PROCA1: variants seen among roughly 807,000 people sequenced by gnomAD.
PROCA1 encodes the protein protein interacting with cyclin A1.
PROCA1 carries 22 observed loss-of-function variants against 23.2 expected under a neutral mutation model. That is an observed-to-expected ratio of 0.95 (90% CI 0.68 to 1.35). The LOEUF (loss-of-function observed/expected upper bound fraction) is 1.35. Ranked by LOEUF, PROCA1 falls within the 40% of genes most tolerant of loss-of-function variation. The pLI is 0.00. For synonymous variants in PROCA1, 182 were observed against 179.2 expected (o/e 1.02, Z -0.12); for missense variants, 469 against 459.8 (o/e 1.02, Z -0.18).
intron 1 of PROCA1, among the ~76,000 whole-genome samples, chr17:28,710,054 A>G (rs918838004): frequency 6.6e-6 from 1 of 151,998 alleles, no homozygotes; most frequent in Non-Finnish European, 1.5e-5. Flanking sequence ...TTCAGCTCCA[A>G]CACTACCAAT....
At position 28,710,142 on chromosome 17, in the gene PROCA1, G is replaced by A. The variant is rs148883059; in HGVS notation, c.91+1428C>T. On this transcript the variant is annotated intron_variant, in intron 1 of 4. Transcript: ENST00000682792. ...CCTGGACCCTAAAGTCATGCCGCTG[G>A]GACCTCAGCCAGGGTGAGGAACCAA... Among the ~76,000 whole-genome samples the A allele has an allele frequency of 7.4e-3, 1,120 of 152,030 alleles. 16 individuals are homozygous for A. Among genetic ancestry groups the A allele is most frequent in the African/African-American group, 0.025 (1,024 of 41,460 alleles).
At chr17:28,704,875 C>A in intron 2 of PROCA1, 32 bp from the exon 3 acceptor site, 1 of 1,605,774 alleles carries the variant, frequency 6.2e-7, no homozygotes, top group Non-Finnish European at 8.5e-7. Context: ...TCATCAGTAG[C>A]AGCCGCAGAC....
chr17:28,709,795 G>A (rs1335879098), intron 1 of PROCA1, among the ~76,000 whole-genome samples: 2 of 151,404 alleles, frequency 1.3e-5, no homozygotes, highest in East Asian at 4.0e-4. Context: ...TCCGGAGTTT[G>A]AGACCAGCAT....
In PROCA1 at chr17:28,704,366, C is replaced by T; in HGVS notation, c.381G>A (p.Glu127=). The T allele has an allele frequency of 6.2e-7, 1 of 1,614,150 alleles. No homozygotes were observed. The highest frequency in any genetic ancestry group is 8.5e-7 in the Non-Finnish European group (1 of 1,180,024). ...GAGPTCSHVI[E]SPCFELTPEE... ...CCGGTGTGAGCTCAAAGCAAGGGGA[C>T]TCGATGACATGGGAGCAGGTTGGGC... is the stretch of plus-strand genomic sequence containing the variant. The change falls in exon 4 of 5, where the codon GAG becomes GAA. Residue 127 remains glutamate, a synonymous_variant. Transcript: ENST00000682792.
Position 28,711,730 on chromosome 17 carries a change from C to G in PROCA1, c.-70G>C, listed in dbSNP as rs2032797094. 1 of 1,415,784 alleles carries G rather than the reference C, an allele frequency of 7.1e-7. No homozygotes were observed. Among genetic ancestry groups the G allele is most frequent in the South Asian group, 1.3e-5 (1 of 77,816 alleles). 87.7% of individuals were successfully genotyped at this position (1,415,784 alleles called of 1,614,324 possible). A position where few individuals can be genotyped will look rare whatever the true frequency, so the allele number is the denominator to read the frequency against. Reference sequence around the variant, plus strand: ...GTCCAACCCTGAGCCTCAGCCCGGCCGAGCCCTCGGCCCAGCCGTGAACTC... The same window carrying G: ...GTCCAACCCTGAGCCTCAGCCCGGCGGAGCCCTCGGCCCAGCCGTGAACTC... On this transcript the variant is annotated 5_prime_UTR_variant, in exon 1 of 5. Transcript: ENST00000682792.
Position 28,703,713 on chromosome 17 carries a change from G to GCC in PROCA1, c.938_939dup (p.Gln314GlyfsTer38). The GCC allele has an allele frequency of 6.2e-7, 1 of 1,614,020 alleles. No individual in the cohort carries two copies. Among genetic ancestry groups the GCC allele is most frequent in the Non-Finnish European group, 8.5e-7 (1 of 1,180,022 alleles). ...ATATCCTCGCTGGACAGTTCTCCCT[G>GCC]CCCCCGGCCATTGTAACTGTCCTCG... On this transcript the variant is annotated frameshift_variant, in exon 5 of 5. Coordinates refer to ENST00000682792, the MANE Select transcript of PROCA1 (RefSeq NM_001366301.1). LOFTEE classifies it low-confidence loss of function (END_TRUNC).
At chr17:28,706,835 G>A (rs1380010868) in intron 1 of PROCA1, 72 bp from the exon 2 acceptor site, 15 of 1,288,552 alleles carry the variant, frequency 1.2e-5, no homozygotes, top group African/African-American at 6.2e-5. Flanking sequence ...AACATACCCC[G>A]AGAAACTCCA....
chr17:28,704,660 G>A, intron 3 of PROCA1, 48 bp downstream of exon 3: 1 of 1,608,120 alleles, frequency 6.2e-7, no homozygotes, highest in Non-Finnish European at 8.5e-7. Context: ...CACAATGAAA[G>A]TTCGGACCTG....
rs374751808 is a variant in PROCA1, at chr17:28,704,343, G to T, written c.404C>A (p.Pro135Gln). ...GAATCGCTCCACATGCTCCTCCTCCGGTGTGAGCTCAAAGCAAGGGGACTC... is the reference window on the plus strand; with the variant it reads ...GAATCGCTCCACATGCTCCTCCTCCTGTGTGAGCTCAAAGCAAGGGGACTC... ...VIESPCFELT[P>Q]EEEHVERFRY... The change falls in exon 4 of 5, where the codon CCG (proline) becomes CAG (glutamine). Residue 135 changes from proline (P) to glutamine (Q), a missense_variant. Transcript: ENST00000682792. The T allele has an allele frequency of 6.2e-7, 1 of 1,614,076 alleles. No individual in the cohort carries two copies. The highest frequency in any genetic ancestry group is 8.5e-7 in the Non-Finnish European group (1 of 1,180,006).
Position 28,711,650 on chromosome 17 carries a change from C to G in PROCA1, c.11G>C (p.Arg4Thr). MWV[R>T]TTLTIERWTK... ...CCATCTTTCAATTGTGAGCGTCGTC[C>G]TGACCCACATCGCTCTCCGCCCAGG... The change falls in exon 1 of 5, where the codon AGG becomes ACG. Residue 4 changes from arginine (R) to threonine (T), a missense_variant. Physicochemically the swap from Arg to Thr is moderately conservative, Grantham distance 71 (BLOSUM62 -1). Transcript: ENST00000682792. 6.2e-7 allele frequency: 1 copy of G among 1,612,704 alleles called. No homozygotes were observed. The highest frequency in any genetic ancestry group is 8.5e-7 in the Non-Finnish European group (1 of 1,179,546).
At chr17:28,708,319 T>C (rs2032619590) in intron 1 of PROCA1, among the ~76,000 whole-genome samples, 1 of 152,092 alleles carries the variant, frequency 6.6e-6, no homozygotes, top group Admixed American at 6.6e-5. Context: ...TTGACCCTAT[T>C]GACCAATGAA....
In PROCA1 at chr17:28,704,008, G is replaced by A. The variant is rs1441053413; in HGVS notation, c.645C>T (p.Ile215=). 6.2e-7 allele frequency: 1 copy of A among 1,611,414 alleles called. No individual in the cohort carries two copies. Among genetic ancestry groups the A allele is most frequent in the East Asian group, 2.2e-5 (1 of 44,798 alleles). The part of the protein sequence containing the change: ...ATGTPDSTAP[I]TIWRSESPTG... Reference sequence around the variant, plus strand: ...TGGGGCTCTCAGAGCGCCAGATGGTGATGGGCGCTGTGGAGTCAGGGGTAC... The same window carrying A: ...TGGGGCTCTCAGAGCGCCAGATGGTAATGGGCGCTGTGGAGTCAGGGGTAC... Residue 215 remains isoleucine, a synonymous_variant, in exon 5 of 5, where the codon ATC becomes ATT. Coordinates refer to ENST00000682792, the MANE Select transcript of PROCA1 (RefSeq NM_001366301.1).
intron 1 of PROCA1, 79 bp from the exon 2 acceptor site, chr17:28,706,842 T>G: frequency 7.8e-7 from 1 of 1,281,134 alleles, no homozygotes; most frequent in Non-Finnish European, 1.0e-6. Flanking sequence ...CCCGAGAAAC[T>G]CCACATGTCA....
At chr17:28,710,445 T>C (rs1407575925) in intron 1 of PROCA1, among the ~76,000 whole-genome samples, 1 of 146,692 alleles carries the variant, frequency 6.8e-6, no homozygotes, top group Admixed American at 7.1e-5. Context: ...AGGTGGAGTT[T>C]GCAGTGAGCC....
chr17:28,711,285 G>C, intron 1 of PROCA1: 1 of 603,452 alleles, frequency 1.7e-6, no homozygotes, highest in Non-Finnish European at 2.6e-6. Flanking sequence ...TCCGATAGCC[G>C]AGCGTTCCAG....
Position 28,704,420 on chromosome 17 carries a change from T to C in PROCA1, c.327A>G (p.Ser109=), listed in dbSNP as rs200714609. Residue 109 remains serine, a synonymous_variant, in exon 4 of 5, where the codon TCA becomes TCG. Coordinates refer to ENST00000682792, the MANE Select transcript of PROCA1 (RefSeq NM_001366301.1). The part of the protein sequence containing the change: ...CNCNSRLKDS[S]EDSSSSRGAG... ...CGCCCCGGGAGCTGCTGCTATCCTC[T>C]GAAGAGTCCTTCAGCCTGCCACACA... 652 of 1,612,962 alleles carry C rather than the reference T, an allele frequency of 4.0e-4. No homozygotes were observed. The highest frequency in any genetic ancestry group is 5.3e-4 in the Non-Finnish European group (626 of 1,179,782).
rs558666426 is a variant in PROCA1 at position 28,703,416 on chromosome 17, C to T, written c.*142G>A. 3 of 840,288 alleles carry T rather than the reference C, an allele frequency of 3.6e-6. No homozygotes were observed. Among genetic ancestry groups the T allele is most frequent in the Non-Finnish European group, 5.6e-6 (3 of 538,568 alleles). The allele number at this position is 840,288 out of a possible 1,614,324, so 52.1% of individuals were successfully genotyped here. On this transcript the variant is annotated 3_prime_UTR_variant, in exon 5 of 5. Coordinates refer to ENST00000682792, the MANE Select transcript of PROCA1 (RefSeq NM_001366301.1). ...TTCCCATGGGCTTCCTTTGTGAAAG[C>T]TGGATTGCCTTTGAGAAACCCCTGC...
intron 1 of PROCA1, among the ~76,000 whole-genome samples, chr17:28,707,645 T>C (rs2032577250): frequency 6.6e-6 from 1 of 152,218 alleles, no homozygotes; most frequent in Non-Finnish European, 1.5e-5. Flanking sequence ...CAGCCAGAAG[T>C]GACACCTTCT....
Position 28,704,049 on chromosome 17 carries a change from T to C in PROCA1, c.604A>G (p.Thr202Ala). The change falls in exon 5 of 5, where the codon ACC becomes GCC. Residue 202 changes from threonine (T) to alanine (A), a missense_variant. Transcript: ENST00000682792. ...GPATASPDLG[T>A]SMATGTPDST... The stretch of plus-strand genomic sequence containing the variant: ...TCAGGGGTACCAGTGGCCATGCTGG[T>C]GCCTAGGTCAGGGGAGGCGGTGGCG... 1 of 1,609,584 alleles carries C rather than the reference T, an allele frequency of 6.2e-7. No homozygotes were observed. Among genetic ancestry groups the C allele is most frequent in the Non-Finnish European group, 8.5e-7 (1 of 1,178,630 alleles).
Sources: allele counts gnomAD v4.1 joint callset (sites outside exome capture counted in the v4.1 genomes callset), GRCh38; gene constraint gnomAD v4.1.1; transcripts MANE v1.5; gene names NCBI Gene and HGNC (gene_info 2026-07-23, HGNC 2026-07-21).